EML6: variants seen among roughly 807,000 people sequenced by gnomAD.
The protein encoded by EML6 is echinoderm microtubule-associated protein-like 6.
In EML6, 154 loss-of-function variants were observed where a neutral mutation model predicts 240.1. That is an observed-to-expected ratio of 0.64 (90% CI 0.56 to 0.73). The LOEUF is 0.73. Ranked by LOEUF, EML6 falls within the 30% of genes least tolerant of loss-of-function variation. EML6 has a pLI of 0.00. For missense variants in EML6, 2,964 were observed against 2,474.6 expected (o/e 1.20, Z -4.20); for synonymous variants, 1,148 against 899.0 (o/e 1.28, Z -4.95).
intron 2 of EML6, among the ~76,000 whole-genome samples, chr2:54,726,588 A>C (rs1170565136): frequency 1.3e-5 from 2 of 152,184 alleles, no homozygotes; most frequent in African/African-American, 4.8e-5. Flanking sequence ...CTAGCATGTA[A>C]AACTTTTTTC....
Position 54,763,699 on chromosome 2 carries a change from G to C in EML6, c.197+38441G>C, listed in dbSNP as rs78850987. ...TCTCCTTCTACCAGGAGCCTAAAAG[G>C]GTGAATGTATTCAAAGTGGTTAAGG... On this transcript the variant is annotated intron_variant, in intron 2 of 41. Transcript: ENST00000356458. 8.3e-3 allele frequency among the ~76,000 whole-genome samples: 1,263 copies of C among 152,234 alleles called. 15 individuals are homozygous for C. The highest frequency in any genetic ancestry group is 0.029 in the African/African-American group (1,195 of 41,530).
chr2:54,896,129 C>G (rs1355410629), intron 21 of EML6, among the ~76,000 whole-genome samples: 2 of 152,198 alleles, frequency 1.3e-5, no homozygotes, highest in Non-Finnish European at 2.9e-5. Flanking sequence ...CATACAGAAT[C>G]CTTTACCTCC....
chr2:54,859,527 C>T lies in EML6; in HGVS notation c.1658-7C>T, dbSNP rs1162701217. On this transcript the variant is annotated splice_region_variant and splice_polypyrimidine_tract_variant and intron_variant, in intron 11 of 41. Transcript: ENST00000356458. ...ATAACTAATCCTCTCAAAAAATATTCTTTCAGGAGCCAAATTTAGAAAGTA... is the reference window on the plus strand; with the variant it reads ...ATAACTAATCCTCTCAAAAAATATTTTTTCAGGAGCCAAATTTAGAAAGTA... 1 of 1,547,350 alleles carries T rather than the reference C, an allele frequency of 6.5e-7. No individual in the cohort carries two copies. Among genetic ancestry groups the T allele is most frequent in the Non-Finnish European group, 8.7e-7 (1 of 1,145,474 alleles).
Position 54,773,113 on chromosome 2 carries a change from G to T in EML6, c.198-40119G>T, listed in dbSNP as rs1003905164. Among the ~76,000 whole-genome samples the T allele has an allele frequency of 2.0e-4, 30 of 152,242 alleles. 1 individual carries two copies. The highest frequency in any genetic ancestry group is 5.8e-4 in the African/African-American group (24 of 41,468). On this transcript the variant is annotated intron_variant, in intron 2 of 41. Coordinates refer to ENST00000356458, the MANE Select transcript of EML6 (RefSeq NM_001039753.4). ...GCCCCAGATGAGCTGCCTCAGGAGT[G>T]CCAGCCTGTGGGCGGCTGGGTGAGC...
At chr2:54,876,666 A>G (rs1441286480) in intron 16 of EML6, among the ~76,000 whole-genome samples, 1 of 152,254 alleles carries the variant, frequency 6.6e-6, no homozygotes, top group East Asian at 1.9e-4. Context: ...GAATATTTGT[A>G]CAGTGTTTTT....
chr2:54,904,642 G>A (rs1374014564), intron 24 of EML6, among the ~76,000 whole-genome samples: 4 of 152,152 alleles, frequency 2.6e-5, no homozygotes, highest in Non-Finnish European at 4.4e-5. Context: ...AGTGGCTGAG[G>A]GTGTGAAGGG....
At chr2:54,801,670 C>T (rs1670155754) in intron 2 of EML6, among the ~76,000 whole-genome samples, 1 of 151,840 alleles carries the variant, frequency 6.6e-6, no homozygotes, top group South Asian at 2.1e-4. Flanking sequence ...GTGTTATTAG[C>T]TTTCAAAGGC....
At chr2:54,851,165 T>C (rs1028550004) in intron 10 of EML6, among the ~76,000 whole-genome samples, 1 of 152,074 alleles carries the variant, frequency 6.6e-6, no homozygotes, top group Non-Finnish European at 1.5e-5. Context: ...TCCTAGCACT[T>C]TTGGAGACTG....
At chr2:54,969,553 C>T (rs1337999392) in intron 41 of EML6, among the ~76,000 whole-genome samples, 1 of 152,236 alleles carries the variant, frequency 6.6e-6, no homozygotes, top group East Asian at 1.9e-4. Context: ...CCCTTCAAAG[C>T]AGCACCAACC....
At chr2:54,806,129 A>G (rs1670462613) in intron 2 of EML6, among the ~76,000 whole-genome samples, 1 of 152,130 alleles carries the variant, frequency 6.6e-6, no homozygotes, top group Non-Finnish European at 1.5e-5. Flanking sequence ...ATATGTGTGT[A>G]TGTATATATA....
chr2:54,771,048 A>C (rs1475537478), intron 2 of EML6, among the ~76,000 whole-genome samples: 1 of 152,196 alleles, frequency 6.6e-6, no homozygotes, highest in African/African-American at 2.4e-5. Flanking sequence ...TGTCTGTTAC[A>C]GGCCTGGATG....
intron 15 of EML6, among the ~76,000 whole-genome samples, chr2:54,870,243 A>G (rs568209504): frequency 4.6e-5 from 7 of 152,318 alleles, no homozygotes; most frequent in Non-Finnish European, 5.9e-5. Context: ...CATGAAATCT[A>G]TGAATGAAAA....
intron 12 of EML6, among the ~76,000 whole-genome samples, chr2:54,862,097 A>G (rs1240683981): frequency 6.6e-6 from 1 of 151,986 alleles, no homozygotes. Context: ...GCACTTTGGG[A>G]GGCTAAGGCG....
At chr2:54,895,122 C>T (rs1672694074) in intron 20 of EML6, 96 bp downstream of exon 20, 11 of 1,304,612 alleles carry the variant, frequency 8.4e-6, no homozygotes, top group Admixed American at 2.1e-5. Context: ...AATCAATTTT[C>T]TCCCTCTTCC....
intron 28 of EML6, among the ~76,000 whole-genome samples, chr2:54,934,173 C>G (rs1366042488): frequency 6.6e-6 from 1 of 152,086 alleles, no homozygotes; most frequent in African/African-American, 2.4e-5. Flanking sequence ...TTTGTTTGTT[C>G]TTTCAAAACA....
At chr2:54,904,014 C>T (rs1040377060) in intron 24 of EML6, among the ~76,000 whole-genome samples, 4 of 152,170 alleles carry the variant, frequency 2.6e-5, no homozygotes, top group African/African-American at 9.7e-5. Flanking sequence ...AAGTCATGCC[C>T]ACAAATGCCA....
chr2:54,929,695 TCCTCC>T (rs1674752071), intron 28 of EML6, among the ~76,000 whole-genome samples: 1 of 5,288 alleles, frequency 1.9e-4, no homozygotes, highest in Non-Finnish European at 4.3e-4. Flanking sequence ...AAATGTAACC[TCCTCC>T]TCCTCCTCCT....
intron 24 of EML6, among the ~76,000 whole-genome samples, chr2:54,904,430 T>C (rs1397622178): frequency 6.6e-6 from 1 of 152,116 alleles, no homozygotes; most frequent in African/African-American, 2.4e-5. Context: ...CCAAGCCCAA[T>C]GTATGCTCTG....
chr2:54,958,046 G>A, intron 33 of EML6, 48 bp downstream of exon 33: 1 of 1,423,484 alleles, frequency 7.0e-7, no homozygotes, highest in Admixed American at 2.3e-5. Flanking sequence ...GACCCCCTGG[G>A]CATGGGCATG....
Sources: gnomAD v4.1 joint callset for allele counts (sites outside exome capture counted in the v4.1 genomes callset) on GRCh38, gnomAD v4.1.1 for gene constraint, MANE v1.5 for transcripts, NCBI Gene and HGNC (gene_info 2026-07-23, HGNC 2026-07-21) for gene names.